PCDH9: variants seen among roughly 807,000 people sequenced by gnomAD.
The protein encoded by PCDH9 is protocadherin 9, also known as protocadherin-9.
A neutral mutation model predicts 70.6 loss-of-function variants in PCDH9; 24 were observed. That is an observed-to-expected ratio of 0.34 (90% CI 0.25 to 0.48). The LOEUF (loss-of-function observed/expected upper bound fraction) is 0.48, where lower values mean the gene tolerates loss of function less well. Among genes scored for constraint, PCDH9 ranks in the 20% least tolerant of loss-of-function variants. The probability of loss-of-function intolerance (pLI) is 0.99; values close to 1 mark genes in which losing one functional copy is unlikely to be tolerated. For synonymous variants in PCDH9, 562 were observed against 558.5 expected (o/e 1.01, Z -0.09); for missense variants, 1,281 against 1,503.6 (o/e 0.85, Z 2.45).
In PCDH9 at chr13:66,381,479, G is replaced by A. The variant is rs974000907; in HGVS notation, c.3341-76451C>T. On this transcript the variant is annotated intron_variant, in intron 4 of 4. Coordinates refer to ENST00000377865, the MANE Select transcript of PCDH9 (RefSeq NM_203487.3). The stretch of plus-strand genomic sequence containing the variant: ...TTTTATTCTTGTTACACTGTGTAAG[G>A]CTTACTTTTAGTACTAAAAATAAAC... Among the ~76,000 whole-genome samples the A allele has an allele frequency of 3.9e-5, 6 of 152,044 alleles. 1 individual carries two copies. Among genetic ancestry groups the A allele is most frequent in the African/African-American group, 1.4e-4 (6 of 41,384 alleles).
intron 4 of PCDH9, among the ~76,000 whole-genome samples, chr13:66,413,274 T>C (rs1377785384): frequency 2.0e-5 from 3 of 152,230 alleles, no homozygotes; most frequent in African/African-American, 4.8e-5. Context: ...GTAATTTTAA[T>C]AGCTTTATAA....
intron 4 of PCDH9, among the ~76,000 whole-genome samples, chr13:66,602,325 C>A (rs2077173860): frequency 6.8e-6 from 1 of 146,312 alleles, no homozygotes. Flanking sequence ...CAAGCTTGAT[C>A]TAGAAGAAAT....
At chr13:66,963,392 C>T (rs1177361098) in intron 2 of PCDH9, among the ~76,000 whole-genome samples, 1 of 152,160 alleles carries the variant, frequency 6.6e-6, no homozygotes, top group Non-Finnish European at 1.5e-5. Flanking sequence ...CCAAATTACA[C>T]CTTGGCTCTT....
chr13:67,073,557 T>C (rs1201122032), intron 2 of PCDH9, among the ~76,000 whole-genome samples: 1 of 152,120 alleles, frequency 6.6e-6, no homozygotes, highest in Non-Finnish European at 1.5e-5. Flanking sequence ...TTTATTTGCT[T>C]TAACCAATCT....
chr13:66,714,703 T>C (rs560459519), intron 3 of PCDH9, among the ~76,000 whole-genome samples: 1 of 152,168 alleles, frequency 6.6e-6, no homozygotes, highest in Non-Finnish European at 1.5e-5. Flanking sequence ...GTAATAAAAG[T>C]ATGAATTTAC....
chr13:66,470,367 T>A (rs574196246), intron 4 of PCDH9, among the ~76,000 whole-genome samples: 1 of 152,336 alleles, frequency 6.6e-6, no homozygotes, highest in South Asian at 2.1e-4. Context: ...TTGTCATATT[T>A]ATCCAGTTCC....
chr13:66,555,127 C>T (rs1327507346), intron 4 of PCDH9, among the ~76,000 whole-genome samples: 2 of 140,154 alleles, frequency 1.4e-5, no homozygotes, highest in East Asian at 4.5e-4. Flanking sequence ...CAAGAACACG[C>T]CATTGCACTC....
intron 4 of PCDH9, among the ~76,000 whole-genome samples, chr13:66,619,356 C>G (rs2077395270): frequency 6.6e-6 from 1 of 151,910 alleles, no homozygotes; most frequent in African/African-American, 2.4e-5. Context: ...TTTGGAGCCC[C>G]ATCAGGCATG....
chr13:67,088,382 A>G (rs2086151746), intron 2 of PCDH9, among the ~76,000 whole-genome samples: 1 of 152,020 alleles, frequency 6.6e-6, no homozygotes, highest in African/African-American at 2.4e-5. Context: ...AGCATCTACT[A>G]TGTGCCACTG....
intron 2 of PCDH9, among the ~76,000 whole-genome samples, chr13:67,046,348 C>G (rs1421154446): frequency 6.6e-6 from 1 of 152,152 alleles, no homozygotes; most frequent in Non-Finnish European, 1.5e-5. Context: ...TTGGGACAGA[C>G]TAGCAGATCT....
At chr13:66,706,664 G>T (rs773943702) in intron 3 of PCDH9, among the ~76,000 whole-genome samples, 1 of 152,200 alleles carries the variant, frequency 6.6e-6, no homozygotes, top group Non-Finnish European at 1.5e-5. Context: ...ATCAGAAATT[G>T]TGACTGAGAA....
At chr13:67,147,822 A>T (rs906443033) in intron 2 of PCDH9, among the ~76,000 whole-genome samples, 3 of 152,184 alleles carry the variant, frequency 2.0e-5, no homozygotes, top group East Asian at 3.8e-4. Flanking sequence ...TAGCTTGGGT[A>T]TGGGCCAGTT....
chr13:67,103,048 T>C (rs865888121), intron 2 of PCDH9, among the ~76,000 whole-genome samples: 25 of 151,958 alleles, frequency 1.6e-4, no homozygotes, highest in South Asian at 1.5e-3. Flanking sequence ...GAAACAACAA[T>C]AAAGGAAATA....
chr13:66,548,125 C>T (rs1807528820), intron 4 of PCDH9, among the ~76,000 whole-genome samples: 1 of 151,576 alleles, frequency 6.6e-6, no homozygotes, highest in Non-Finnish European at 1.5e-5. Flanking sequence ...TATGCCAAAA[C>T]TTAACACTGA....
intron 4 of PCDH9, among the ~76,000 whole-genome samples, chr13:66,314,776 G>A (rs1233762693): frequency 6.6e-6 from 1 of 151,956 alleles, no homozygotes; most frequent in Non-Finnish European, 1.5e-5. Flanking sequence ...CTTGACACAT[G>A]TTACATAAAA....
chr13:66,746,705 A>T (rs2079370162), intron 3 of PCDH9, among the ~76,000 whole-genome samples: 1 of 152,208 alleles, frequency 6.6e-6, no homozygotes, highest in African/African-American at 2.4e-5. Flanking sequence ...TTTGATAGGA[A>T]ATTTGAAATC....
intron 4 of PCDH9, among the ~76,000 whole-genome samples, chr13:66,493,972 A>G (rs1036454751): frequency 2.6e-5 from 4 of 152,148 alleles, no homozygotes; most frequent in Non-Finnish European, 5.9e-5. Flanking sequence ...AACAATAGCA[A>G]TATTAAACCA....
At position 67,228,405 on chromosome 13, in the gene PCDH9, C is replaced by A; in HGVS notation, c.36G>T (p.Leu12=). 6.3e-7 allele frequency: 1 copy of A among 1,598,098 alleles called. No individual in the cohort carries two copies. ...CGGAATCCAGCCTTAAACAGGCAATCAGAGCAGCCAACAGGTAAAAATCCC... is the reference window on the plus strand; with the variant it reads ...CGGAATCCAGCCTTAAACAGGCAATAAGAGCAGCCAACAGGTAAAAATCCC... The part of the protein sequence containing the change: ...DLRDFYLLAA[L]IACLRLDSAI... The change falls in exon 2 of 5, where the codon CTG becomes CTT. Residue 12 remains leucine, a synonymous_variant. Transcript: ENST00000377865.
chr13:67,106,831 AC>A (rs1377389944), intron 2 of PCDH9, among the ~76,000 whole-genome samples: 1 of 152,118 alleles, frequency 6.6e-6, no homozygotes, highest in East Asian at 1.9e-4. Flanking sequence ...CAATTTTGGA[AC>A]AAAGTTGAGG....
Sources: gnomAD v4.1 joint callset for allele counts (sites outside exome capture counted in the v4.1 genomes callset) on GRCh38, gnomAD v4.1.1 for gene constraint, MANE v1.5 for transcripts, NCBI Gene and HGNC (gene_info 2026-07-23, HGNC 2026-07-21) for gene names.